MAP2K4: variants seen among roughly 807,000 people sequenced by gnomAD.
MAP2K4 encodes dual specificity mitogen-activated protein kinase kinase 4.
MAP2K4 carries 4 observed loss-of-function variants against 48.5 expected under a neutral mutation model. The observed-to-expected ratio is 0.08, with a 90% CI of 0.04 to 0.19. The LOEUF is 0.19. Ranked by LOEUF, MAP2K4 falls within the 10% of genes least tolerant of loss-of-function variation. MAP2K4 has a pLI of 1.00. For missense variants in MAP2K4, 258 were observed against 493.3 expected (o/e 0.52, Z 4.52); for synonymous variants, 166 against 173.1 (o/e 0.96, Z 0.32).
intron 4 of MAP2K4, among the ~76,000 whole-genome samples, chr17:12,096,078 C>T (rs1393225639): frequency 3.9e-5 from 2 of 51,032 alleles, no homozygotes; most frequent in Non-Finnish European, 9.7e-5. Flanking sequence ...CCCCCCCCCC[C>T]CCCCCCCCCC....
intron 7 of MAP2K4, among the ~76,000 whole-genome samples, chr17:12,114,626 C>T (rs1289453608): frequency 1.3e-5 from 2 of 151,716 alleles, no homozygotes; most frequent in African/African-American, 4.8e-5. Flanking sequence ...TAAGGATACC[C>T]CGAGAATGAA....
At chr17:12,114,091 T>A (rs905505427) in intron 7 of MAP2K4, among the ~76,000 whole-genome samples, 17 of 152,200 alleles carry the variant, frequency 1.1e-4, no homozygotes, top group African/African-American at 3.9e-4. Context: ...TCTTGAGGCC[T>A]CCCTGCCAGC....
In MAP2K4 at chr17:12,083,104, C is replaced by T. The variant is rs549298354; in HGVS notation, c.393+1574C>T. 2.6e-4 allele frequency among the ~76,000 whole-genome samples: 39 copies of T among 152,142 alleles called. 1 individual carries two copies. Among genetic ancestry groups the T allele is most frequent in the African/African-American group, 9.4e-4 (39 of 41,516 alleles). On this transcript the variant is annotated intron_variant, in intron 3 of 10. Transcript: ENST00000353533. ...GAAAGTAATTTTAAAAAATTATTTC[C>T]TGCTTTTTACAGTTTGTGTTATGTG... is the stretch of plus-strand genomic sequence containing the variant.
chr17:12,108,884 T>C (rs1467958141), intron 5 of MAP2K4, among the ~76,000 whole-genome samples: 4 of 152,020 alleles, frequency 2.6e-5, no homozygotes, highest in Non-Finnish European at 5.9e-5. Flanking sequence ...TAGAAACTTA[T>C]TATTTAGCGG....
At chr17:12,062,946 T>G (rs868084661) in intron 2 of MAP2K4, among the ~76,000 whole-genome samples, 1 of 151,996 alleles carries the variant, frequency 6.6e-6, no homozygotes, top group South Asian at 2.1e-4. Flanking sequence ...CCCCTTACCT[T>G]TCTTTTTCCT....
intron 2 of MAP2K4, among the ~76,000 whole-genome samples, chr17:12,064,339 C>T (rs1420863339): frequency 1.3e-5 from 2 of 152,156 alleles, no homozygotes; most frequent in Non-Finnish European, 2.9e-5. Context: ...GCCTCGGCCT[C>T]CCAGAGTGCT....
chr17:12,135,922 AT>A (rs1973192468), intron 9 of MAP2K4, among the ~76,000 whole-genome samples: 2 of 152,214 alleles, frequency 1.3e-5, no homozygotes, highest in South Asian at 4.1e-4. Context: ...GTTGACTGAA[AT>A]TCAGGGAGGG....
At chr17:12,097,755 C>T (rs909593468) in intron 4 of MAP2K4, among the ~76,000 whole-genome samples, 1 of 152,152 alleles carries the variant, frequency 6.6e-6, no homozygotes, top group African/African-American at 2.4e-5. Context: ...AGTTACACAG[C>T]CAACAAGTAG....
At chr17:12,088,494 T>C (rs1971442717) in intron 3 of MAP2K4, among the ~76,000 whole-genome samples, 1 of 125,096 alleles carries the variant, frequency 8.0e-6, no homozygotes, top group African/African-American at 2.7e-5. Flanking sequence ...ATATACAATA[T>C]TTAATATATT....
rs149452854 is a variant in MAP2K4, at chr17:12,027,484, T to TAC, written c.115+6497_115+6498dup. On this transcript the variant is annotated intron_variant, in intron 1 of 10. Transcript: ENST00000353533. ...GTTGCCAGACATATATATCTGAACA[T>TAC]ACACACACACACACAGACACCAAAT... 4.9e-3 allele frequency among the ~76,000 whole-genome samples: 732 copies of TAC among 150,858 alleles called. 6 individuals carry two copies. Among genetic ancestry groups the TAC allele is most frequent in the African/African-American group, 0.015 (616 of 41,160 alleles).
intron 9 of MAP2K4, among the ~76,000 whole-genome samples, chr17:12,135,179 C>A (rs1973166527): frequency 6.6e-6 from 1 of 152,242 alleles, no homozygotes; most frequent in Non-Finnish European, 1.5e-5. Context: ...GCCTCAACCT[C>A]CCGGTTTCAA....
chr17:12,111,102 C>T (rs1597477904), intron 6 of MAP2K4, among the ~76,000 whole-genome samples: 1 of 152,200 alleles, frequency 6.6e-6, no homozygotes, highest in African/African-American at 2.4e-5. Context: ...GGAAACACAC[C>T]GAATCACTAC....
intron 9 of MAP2K4, among the ~76,000 whole-genome samples, chr17:12,138,836 A>T (rs1341414816): frequency 6.6e-6 from 1 of 152,130 alleles, no homozygotes; most frequent in Non-Finnish European, 1.5e-5. Flanking sequence ...CTCTGTGTTG[A>T]CCTGCCTTGG....
chr17:12,028,847 T>G (rs535094439), intron 1 of MAP2K4, among the ~76,000 whole-genome samples: 1 of 152,158 alleles, frequency 6.6e-6, no homozygotes, highest in African/African-American at 2.4e-5. Context: ...GGAATGGAGA[T>G]AACTACAAAA....
chr17:12,049,387 C>T (rs1970064982), intron 1 of MAP2K4, among the ~76,000 whole-genome samples: 1 of 152,120 alleles, frequency 6.6e-6, no homozygotes, highest in Admixed American at 6.5e-5. Context: ...ATGGGTGTTC[C>T]CTAAAAGGGA....
intron 3 of MAP2K4, among the ~76,000 whole-genome samples, chr17:12,088,942 C>G (rs190831279): frequency 6.9e-6 from 1 of 145,326 alleles, no homozygotes. Flanking sequence ...GACAGAGTCT[C>G]GCTCTGTCAC....
chr17:12,048,192 C>T (rs1970026378), intron 1 of MAP2K4, among the ~76,000 whole-genome samples: 1 of 152,040 alleles, frequency 6.6e-6, no homozygotes, highest in African/African-American at 2.4e-5. Flanking sequence ...AATTTTTTGG[C>T]AGAATGCCCA....
intron 2 of MAP2K4, among the ~76,000 whole-genome samples, chr17:12,065,501 T>C (rs1018884796): frequency 6.6e-6 from 1 of 152,002 alleles, no homozygotes; most frequent in Non-Finnish European, 1.5e-5. Flanking sequence ...GGTTTCACCA[T>C]GTTGGCCAGG....
rs531517809 is a variant in MAP2K4 at position 12,118,172 on chromosome 17, G to A, written c.813+4812G>A. 5.5e-4 allele frequency among the ~76,000 whole-genome samples: 83 copies of A among 152,184 alleles called. 1 individual carries two copies. Among genetic ancestry groups the A allele is most frequent in the African/African-American group, 7.9e-4 (33 of 41,520 alleles). On this transcript the variant is annotated intron_variant, in intron 7 of 10. Transcript: ENST00000353533. ...AGTGGAGAAATTCATTGATGAATTC[G>A]CCAGGGTTATTGATGATGAAAATTC...
Sources: allele counts gnomAD v4.1 joint callset (sites outside exome capture counted in the v4.1 genomes callset), GRCh38; gene constraint gnomAD v4.1.1; transcripts MANE v1.5; gene names NCBI Gene and HGNC (gene_info 2026-07-23, HGNC 2026-07-21).